Variants in COL27A1 observed in about 807,000 individuals in gnomAD.
COL27A1 encodes collagen alpha-1(XXVII) chain.
In COL27A1, 106 loss-of-function variants were observed where a neutral mutation model predicts 251.3. That is an observed-to-expected ratio of 0.42 (90% confidence interval 0.36 to 0.50). COL27A1 has a LOEUF of 0.50. COL27A1 is among the 20% of genes least tolerant of loss of function. The pLI is 0.00. For missense variants in COL27A1, 2,325 were observed against 2,522.8 expected, an observed-to-expected ratio of 0.92 and a Z score of 1.68; for synonymous variants, 1,000 against 986.3, an observed-to-expected ratio of 1.01 and a Z score of -0.26.
rs142812937 is a variant in COL27A1 at position 114,157,106 on chromosome 9, A to ACACACACACGCG, written c.62+1095_62+1096insACACACACGCGC. ...CACACACACACACACACACACACATACGCGCGCGCGGCACCAGTGAGCACA... is the reference window on the plus strand; with the variant it reads ...CACACACACACACACACACACACATACACACACACGCGCGCGCGCGCGGCACCAGTGAGCACA... On this transcript the variant is annotated intron_variant, in intron 1 of 60. Coordinates refer to ENST00000356083, the MANE Select transcript of COL27A1 (RefSeq NM_032888.4). Among the ~76,000 whole-genome samples the ACACACACACGCG allele has an allele frequency of 6.1e-4, 90 of 147,944 alleles. 3 individuals are homozygous for ACACACACACGCG. Among genetic ancestry groups the ACACACACACGCG allele is most frequent in the Admixed American group, 3.7e-3 (55 of 14,866 alleles).
rs200170613 is a variant in COL27A1 at position 114,290,248 on chromosome 9, C to T, written c.4285C>T (p.Arg1429Trp). The change falls in exon 47 of 61, where the codon CGG (arginine) becomes TGG (tryptophan). Residue 1429 changes from arginine (R) to tryptophan (W), a missense_variant. Transcript: ENST00000356083. This position sits in a 1 kb window ranked among gnomAD's most constrained non-coding sequence, Gnocchi z 4.6. ...GGGCCTGCAGGGGCTGCCAGGGCCC[C>T]GGGGCGTGGTGGGGAGACAGGGCCT... ...VQGLQGLPGP[R>W]GVVGRQGLEG... 5.7e-5 allele frequency: 90 copies of T among 1,572,700 alleles called. No individual in the cohort carries two copies. The highest frequency in any genetic ancestry group is 4.8e-4 in the South Asian group (41 of 86,238).
intron 14 of COL27A1, 99 bp from the exon 15 acceptor site, chr9:114,230,980 A>G: frequency 1.1e-6 from 1 of 939,032 alleles, no homozygotes; most frequent in East Asian, 2.5e-5. Flanking sequence ...GCGTCTTTGG[A>G]AGCCCAGGCC....
At chr9:114,234,420 T>C (rs1372214811) in intron 16 of COL27A1, among the ~76,000 whole-genome samples, 1 of 152,130 alleles carries the variant, frequency 6.6e-6, no homozygotes, top group African/African-American at 2.4e-5. Flanking sequence ...TGGGTTTTTC[T>C]CCCCATTCTT....
intron 3 of COL27A1, among the ~76,000 whole-genome samples, chr9:114,174,858 G>A (rs906209443): frequency 6.6e-6 from 1 of 152,200 alleles, no homozygotes; most frequent in African/African-American, 2.4e-5. Context: ...GAATAATCAT[G>A]AGCTCAGATG....
Position 114,219,808 on chromosome 9 carries a change from T to TG in COL27A1, c.2389dup (p.Glu797GlyfsTer28). ...CCCTCCAGGGGTTTCCTGGAGTCTT[T>TG]GGGGAAAGAGGCCCTCCTGGACTGG... On this transcript the variant is annotated frameshift_variant, in exon 13 of 61. Transcript: ENST00000356083. LOFTEE classifies it high-confidence loss of function. The TG allele has an allele frequency of 6.2e-7, 1 of 1,611,308 alleles. No individual in the cohort carries two copies. The highest frequency in any genetic ancestry group is 1.3e-5 in the African/African-American group (1 of 74,932).
At position 114,265,128 on chromosome 9, in the gene COL27A1, T is replaced by C; in HGVS notation, c.3339+18T>C. 4 of 1,280,544 alleles carry C rather than the reference T, an allele frequency of 3.1e-6. No individual in the cohort carries two copies. The highest frequency in any genetic ancestry group is 4.3e-6 in the Non-Finnish European group (4 of 940,158). The allele number at this position is 1,280,544 out of a possible 1,614,324, so 79.3% of individuals were successfully genotyped here. ...GCTTTCCTGTAAGTAGCACCAGTTC[T>C]TGAAATTCTCTACATGGGGCTTTTG... On this transcript the variant is annotated intron_variant, in intron 31 of 60. Transcript: ENST00000356083.
chr9:114,214,325 C>T (rs1313010882), intron 12 of COL27A1, among the ~76,000 whole-genome samples: 2 of 152,330 alleles, frequency 1.3e-5, no homozygotes, highest in East Asian at 3.9e-4. Context: ...GGGGAATGAG[C>T]TGAATTCCTT....
rs151179635 is a variant in COL27A1 at position 114,264,905 on chromosome 9, C to T, written c.3250-19C>T. The T allele has an allele frequency of 8.5e-5, 136 of 1,608,894 alleles. No individual in the cohort carries two copies. In the African/African-American group the frequency reaches 1.4e-3, roughly 17 times the overall value. ...TCCCAAGCACCCTCTCCCACCTTCA[C>T]GTGCTCTGCTTCCCACAGGGCCCTC... On this transcript the variant is annotated intron_variant, in intron 29 of 60. Coordinates refer to ENST00000356083, the MANE Select transcript of COL27A1 (RefSeq NM_032888.4).
At chr9:114,255,868 C>T (rs1033215298) in intron 27 of COL27A1, among the ~76,000 whole-genome samples, 2 of 152,208 alleles carry the variant, frequency 1.3e-5, no homozygotes, top group East Asian at 1.9e-4. Flanking sequence ...CCCGACTTGC[C>T]GGCTGCGGGA....
rs970715359 is a variant in COL27A1, at chr9:114,209,671, C to T, written c.2269-4C>T. ...GCTCTGACCCCCTTTCTTCTCTTTC[C>T]TAGGGCTACATTGGGCTCCCAGGGC... On this transcript the variant is annotated splice_region_variant and splice_polypyrimidine_tract_variant and intron_variant, in intron 10 of 60. Coordinates refer to ENST00000356083, the MANE Select transcript of COL27A1 (RefSeq NM_032888.4). 1.1e-5 allele frequency: 18 copies of T among 1,614,018 alleles called. No homozygotes were observed. The highest frequency in any genetic ancestry group is 1.5e-5 in the Non-Finnish European group (18 of 1,179,990).
chr9:114,237,139 C>G, intron 18 of COL27A1, 105 bp downstream of exon 18: 1 of 1,148,378 alleles, frequency 8.7e-7, no homozygotes. Flanking sequence ...CCTCCTGCAG[C>G]AGAGCTCCTG....
At chr9:114,185,413 C>T (rs947132389) in intron 5 of COL27A1, among the ~76,000 whole-genome samples, 3 of 152,216 alleles carry the variant, frequency 2.0e-5, no homozygotes, top group African/African-American at 7.2e-5. Context: ...CAGAGGTGGC[C>T]CCAGAGCAGG....
intron 60 of COL27A1, among the ~76,000 whole-genome samples, chr9:114,309,965 C>T (rs889039225): frequency 8.5e-5 from 13 of 152,156 alleles, no homozygotes; most frequent in African/African-American, 2.9e-4. Flanking sequence ...AACAATCTCG[C>T]ATGAAGCTGT....
intron 13 of COL27A1, 35 bp from the exon 14 acceptor site, chr9:114,222,188 G>C: frequency 6.2e-7 from 1 of 1,608,438 alleles, no homozygotes; most frequent in Non-Finnish European, 8.5e-7. Flanking sequence ...AGGGAGATGG[G>C]ACAAGTAACC....
In COL27A1 at chr9:114,168,068, G is replaced by A. The variant is rs1179257269; in HGVS notation, c.513G>A (p.Val171=). Residue 171 remains valine (V), a synonymous_variant, in exon 3 of 61, where the codon GTG becomes GTA. Transcript: ENST00000356083. The part of the protein sequence containing the change: ...LELRGRTVTL[V]TACGQRRVPV... ...TCCGAGGCCGCACAGTCACTCTGGT[G>A]ACTGCCTGCGGGCAGCGCCGGGTGC... 1 of 1,609,314 alleles carries A rather than the reference G, an allele frequency of 6.2e-7. No individual in the cohort carries two copies. Among genetic ancestry groups the A allele is most frequent in the Non-Finnish European group, 8.5e-7 (1 of 1,179,908 alleles).
At chr9:114,206,485 G>T (rs916308960) in intron 10 of COL27A1, among the ~76,000 whole-genome samples, 189 bp downstream of exon 10, 1 of 152,222 alleles carries the variant, frequency 6.6e-6, no homozygotes, top group African/African-American at 2.4e-5. Context: ...TAAACTGCTT[G>T]GTCCCCATGG....
chr9:114,261,300 T>TCGAGGAG (rs3034127), intron 28 of COL27A1, among the ~76,000 whole-genome samples: 51,456 of 151,778 alleles, frequency 0.34, 8,941 homozygotes, highest in Admixed American at 0.42. Flanking sequence ...GACATCTTCC[T>TCGAGGAG]CGAGGAGCGG....
chr9:114,286,494 A>G (rs1827497864), intron 41 of COL27A1, among the ~76,000 whole-genome samples: 1 of 152,142 alleles, frequency 6.6e-6, no homozygotes, highest in African/African-American at 2.4e-5. Context: ...ATGCAATTTA[A>G]CTTGAACCGC....
chr9:114,263,185 C>T (rs574640115), intron 28 of COL27A1, among the ~76,000 whole-genome samples: 75 of 152,306 alleles, frequency 4.9e-4, no homozygotes, highest in African/African-American at 1.8e-3. Flanking sequence ...GATCCGCCCA[C>T]CTCATCCTCC....
Sources: allele counts gnomAD v4.1 joint callset (sites outside exome capture counted in the v4.1 genomes callset), GRCh38; gene constraint gnomAD v4.1.1; non-coding constraint Gnocchi (gnomAD v3.1); transcripts MANE v1.5; gene names NCBI Gene and HGNC (gene_info 2026-07-23, HGNC 2026-07-21).